The following CADPS variants were observed in gnomAD, a reference collection of about 807,000 sequenced individuals.
CADPS encodes the protein calcium dependent secretion activator.
CADPS carries 57 observed loss-of-function variants against 167.3 expected under a neutral mutation model. The ratio of observed to expected loss-of-function variants is 0.34; its 90% CI spans 0.28 to 0.42. CADPS has a LOEUF of 0.42. Ranked by LOEUF, CADPS falls within the 20% of genes least tolerant of loss-of-function variation. The pLI is 1.00. For synonymous variants in CADPS, 676 were observed against 635.3 expected, an observed-to-expected ratio of 1.06 and a Z score of -0.96; for missense variants, 1,414 against 1,738.1, an observed-to-expected ratio of 0.81 and a Z score of 3.32.
Position 62,621,943 on chromosome 3 carries a change from C to A in CADPS, c.1325+23779G>T, listed in dbSNP as rs540553417. ...AGTTTTTATTTCATCTGGAGCCTGC[C>A]TTCTCCAGCAGTAATGGCTCTTCAC... On this transcript the variant is annotated intron_variant, in intron 6 of 29. Transcript: ENST00000383710. 2.6e-5 allele frequency among the ~76,000 whole-genome samples: 4 copies of A among 150,990 alleles called. No individual in the cohort carries two copies. The South Asian group carries it at 8.4e-4, about 32-fold the overall frequency.
At chr3:62,722,767 G>A (rs502000) in intron 3 of CADPS, among the ~76,000 whole-genome samples, 48,971 of 152,066 alleles carry the variant, frequency 0.32, 8,393 homozygotes, top group Non-Finnish European at 0.39. Flanking sequence ...ATAGTTTCTC[G>A]ACCTCATCAC....
intron 1 of CADPS, among the ~76,000 whole-genome samples, chr3:62,787,888 C>T (rs1175760972): frequency 3.3e-5 from 5 of 152,176 alleles, no homozygotes; most frequent in Non-Finnish European, 7.3e-5. Context: ...GGTACTATTA[C>T]GATAATCATT....
At chr3:62,679,267 C>A (rs1303327050) in intron 3 of CADPS, among the ~76,000 whole-genome samples, 1 of 152,010 alleles carries the variant, frequency 6.6e-6, no homozygotes, top group Non-Finnish European at 1.5e-5. Context: ...TTTGATGTGT[C>A]AAAGTTGTGT....
intron 3 of CADPS, among the ~76,000 whole-genome samples, chr3:62,669,038 A>G (rs1349417474): frequency 6.6e-6 from 1 of 152,184 alleles, no homozygotes; most frequent in Non-Finnish European, 1.5e-5. Flanking sequence ...GCCTATAATC[A>G]GTCTCTTTCC....
At chr3:62,442,606 A>G (rs1170545297) in intron 27 of CADPS, among the ~76,000 whole-genome samples, 1 of 152,208 alleles carries the variant, frequency 6.6e-6, no homozygotes, top group Admixed American at 6.5e-5. Context: ...AAATACTCCC[A>G]TCAAGGCTAA....
intron 6 of CADPS, chr3:62,626,216 G>T (rs538556003): frequency 8.3e-6 from 2 of 241,910 alleles, no homozygotes; most frequent in Non-Finnish European, 1.6e-5. Context: ...ATTTCATTCC[G>T]GTCATTGAGA....
intron 1 of CADPS, among the ~76,000 whole-genome samples, chr3:62,823,190 G>A (rs1338832350): frequency 6.6e-6 from 1 of 152,202 alleles, no homozygotes; most frequent in Non-Finnish European, 1.5e-5. Flanking sequence ...CACTAACTCA[G>A]GTGGTAAGAC....
chr3:62,410,037 C>A (rs1319751825), intron 28 of CADPS, among the ~76,000 whole-genome samples: 1 of 152,120 alleles, frequency 6.6e-6, no homozygotes, highest in Non-Finnish European at 1.5e-5. Flanking sequence ...TTTAGCAACA[C>A]ACACACATAC....
chr3:62,695,089 A>G (rs1029249929), intron 3 of CADPS, among the ~76,000 whole-genome samples: 2 of 152,008 alleles, frequency 1.3e-5, no homozygotes, highest in Admixed American at 6.6e-5. Flanking sequence ...GTTTTATTGG[A>G]GATTAAATTT....
rs1208691094 is a variant in CADPS at position 62,420,452 on chromosome 3, G to A, written c.3778-17267C>T. Among the ~76,000 whole-genome samples the A allele has an allele frequency of 6.6e-6, 1 of 152,204 alleles. No individual in the cohort carries two copies. Among genetic ancestry groups the A allele is most frequent in the Non-Finnish European group, 1.5e-5 (1 of 68,036 alleles). ...GGTGCAGGGACAATATTCAGATGGT[G>A]GTCCAGGAGCTGGGAGGGGTGTTGG... On this transcript the variant is annotated intron_variant, in intron 28 of 29. Coordinates refer to ENST00000383710, the MANE Select transcript of CADPS (RefSeq NM_003716.4). This position sits in a 1 kb window ranked among gnomAD's most constrained non-coding sequence, Gnocchi z 4.1.
chr3:62,442,797 T>A (rs1576122341), intron 27 of CADPS, among the ~76,000 whole-genome samples: 1 of 152,102 alleles, frequency 6.6e-6, no homozygotes, highest in Non-Finnish European at 1.5e-5. Flanking sequence ...GCATGCTAAT[T>A]AACCTCTTTG....
At chr3:62,757,963 A>T (rs1393133828) in intron 2 of CADPS, among the ~76,000 whole-genome samples, 1 of 152,206 alleles carries the variant, frequency 6.6e-6, no homozygotes, top group East Asian at 1.9e-4. Context: ...TGCTCCCATG[A>T]TTCAATTACC....
chr3:62,798,339 C>G (rs2093568905), intron 1 of CADPS, among the ~76,000 whole-genome samples: 1 of 152,058 alleles, frequency 6.6e-6, no homozygotes, highest in Admixed American at 6.6e-5. Context: ...CTGAATCTTC[C>G]AGCCTTCATC....
intron 2 of CADPS, among the ~76,000 whole-genome samples, chr3:62,757,731 C>T (rs1472630839): frequency 6.6e-6 from 1 of 152,084 alleles, no homozygotes; most frequent in African/African-American, 2.4e-5. Flanking sequence ...TAAAGACATA[C>T]CCAAGACTGG....
At chr3:62,571,544 C>T (rs556919487) in intron 8 of CADPS, among the ~76,000 whole-genome samples, 49 of 151,680 alleles carry the variant, frequency 3.2e-4, no homozygotes, top group Non-Finnish European at 5.2e-4. Flanking sequence ...CAAAGCCGTC[C>T]GGACATGTTA....
At chr3:62,575,202 A>G (rs751631663) in intron 8 of CADPS, among the ~76,000 whole-genome samples, 4 of 152,260 alleles carry the variant, frequency 2.6e-5, no homozygotes, top group Non-Finnish European at 5.9e-5. Flanking sequence ...AAAGAAGTTC[A>G]TAGAACCCAT....
chr3:62,567,776 T>C (rs1243866281), intron 9 of CADPS, among the ~76,000 whole-genome samples: 1 of 151,916 alleles, frequency 6.6e-6, no homozygotes. Flanking sequence ...GTTTTCACCA[T>C]GTTGCCCAGG....
At chr3:62,498,658 G>A (rs1161081239) in intron 18 of CADPS, among the ~76,000 whole-genome samples, 1 of 151,428 alleles carries the variant, frequency 6.6e-6, no homozygotes, top group African/African-American at 2.4e-5. Flanking sequence ...CAAGTTGAAC[G>A]ACACAGAATA....
chr3:62,574,708 G>A (rs1282168100), intron 8 of CADPS, among the ~76,000 whole-genome samples: 1 of 152,214 alleles, frequency 6.6e-6, no homozygotes, highest in Non-Finnish European at 1.5e-5. Flanking sequence ...CAGTTACTGT[G>A]AAATGTTGGT....
Sources: gnomAD v4.1 joint callset for allele counts (sites outside exome capture counted in the v4.1 genomes callset) on GRCh38, gnomAD v4.1.1 for gene constraint, Gnocchi (gnomAD v3.1) non-coding constraint, MANE v1.5 for transcripts, NCBI Gene and HGNC (gene_info 2026-07-23, HGNC 2026-07-21) for gene names.